The following RASA1 variants were observed in gnomAD, a reference collection of about 807,000 sequenced individuals.
The protein encoded by RASA1 is ras GTPase-activating protein 1.
RASA1 carries 25 observed loss-of-function variants against 132.2 expected under a neutral mutation model. The observed-to-expected ratio is 0.19, with a 90% confidence interval of 0.14 to 0.26. The LOEUF (loss-of-function observed/expected upper bound fraction) is 0.26, where lower values mean the gene tolerates loss of function less well. Ranked by LOEUF, RASA1 falls within the 10% of genes least tolerant of loss-of-function variation. The probability of loss-of-function intolerance (pLI) is 1.00; values close to 1 mark genes in which losing one functional copy is unlikely to be tolerated. For synonymous variants in RASA1, 477 were observed against 449.9 expected, an observed-to-expected ratio of 1.06 and a Z score of -0.76; for missense variants, 964 against 1,299.2, an observed-to-expected ratio of 0.74 and a Z score of 3.97.
At chr5:87,330,138 G>GCT (rs1757504441) in intron 1 of RASA1, among the ~76,000 whole-genome samples, 2 of 151,992 alleles carry the variant, frequency 1.3e-5, no homozygotes, top group Admixed American at 1.3e-4. Flanking sequence ...TATGCATAGG[G>GCT]CTCTAAATAA....
At chr5:87,355,222 A>G (rs1759561748) in intron 9 of RASA1, among the ~76,000 whole-genome samples, 1 of 152,206 alleles carries the variant, frequency 6.6e-6, no homozygotes. Context: ...AATATTATCT[A>G]GGACTTTCAT....
chr5:87,342,730 TGTAAG>T (rs763757290), intron 6 of RASA1, among the ~76,000 whole-genome samples: 2 of 152,150 alleles, frequency 1.3e-5, no homozygotes, highest in Non-Finnish European at 2.9e-5. Flanking sequence ...GTTTGCCTAT[TGTAAG>T]GTAATCACTT....
intron 20 of RASA1, among the ~76,000 whole-genome samples, chr5:87,382,693 A>T (rs1761802531): frequency 6.6e-6 from 1 of 152,172 alleles, no homozygotes; most frequent in African/African-American, 2.4e-5. Context: ...TAGCAGATAA[A>T]ATCATATATG....
At chr5:87,325,090 G>A (rs1165984315) in intron 1 of RASA1, among the ~76,000 whole-genome samples, 1 of 152,096 alleles carries the variant, frequency 6.6e-6, no homozygotes, top group African/African-American at 2.4e-5. Flanking sequence ...GGAGGCCTCA[G>A]GAAACTTACA....
rs1753671437 is a variant in RASA1 at position 87,268,558 on chromosome 5, T to TGAA, written c.110_112dup (p.Lys37dup). On this transcript the variant is annotated inframe_insertion, in exon 1 of 25. Coordinates refer to ENST00000274376, the MANE Select transcript of RASA1 (RefSeq NM_002890.3). The stretch of plus-strand genomic sequence containing the variant: ...AGTGCCTATCCCGCAGTGTGTCGGG[T>TGAA]GAAGATACCCGCGGCCCTGCCTGTG... 6.3e-7 allele frequency: 1 copy of TGAA among 1,598,722 alleles called. No individual in the cohort carries two copies. The highest frequency in any genetic ancestry group is 1.3e-5 in the African/African-American group (1 of 74,654).
intron 9 of RASA1, among the ~76,000 whole-genome samples, chr5:87,354,026 T>C (rs34502667): frequency 0.017 from 2,584 of 152,232 alleles, 46 homozygotes; most frequent in Middle Eastern, 0.068. Flanking sequence ...GGGTTTTGGG[T>C]ACCCAGCTGC....
chr5:87,308,515 T>C (rs932401877), intron 1 of RASA1, among the ~76,000 whole-genome samples: 1 of 152,140 alleles, frequency 6.6e-6, no homozygotes, highest in Non-Finnish European at 1.5e-5. Context: ...TAACTATTAT[T>C]AAAAAACAAA....
chr5:87,357,242 A>G (rs922208355), intron 9 of RASA1, among the ~76,000 whole-genome samples: 5 of 151,928 alleles, frequency 3.3e-5, no homozygotes, highest in Non-Finnish European at 7.4e-5. Flanking sequence ...ATATAAATAT[A>G]TATATGTTTT....
chr5:87,352,531 A>T (rs1207186636), intron 8 of RASA1, among the ~76,000 whole-genome samples: 4 of 151,862 alleles, frequency 2.6e-5, no homozygotes, highest in Non-Finnish European at 5.9e-5. Context: ...AATTTATATT[A>T]AAATACAGTA....
At position 87,268,368 on chromosome 5, in the gene RASA1, G is replaced by C. The variant is rs1305843883; in HGVS notation, c.-84G>C. 1 of 1,434,176 alleles carries C rather than the reference G, an allele frequency of 7.0e-7. No individual in the cohort carries two copies. The highest frequency in any genetic ancestry group is 2.8e-5 in the Admixed American group (1 of 35,598). 88.8% of individuals were successfully genotyped at this position (1,434,176 alleles called of 1,614,324 possible). ...GGGGAGCTGAAGGGGAGACGCGTCT[G>C]GGTGGGGCTGCTCGGAGCCCGGGCC... On this transcript the variant is annotated 5_prime_UTR_variant, in exon 1 of 25. Transcript: ENST00000274376.
intron 13 of RASA1, among the ~76,000 whole-genome samples, chr5:87,372,861 G>A (rs373145851): frequency 1.3e-5 from 2 of 152,074 alleles, no homozygotes; most frequent in African/African-American, 4.8e-5. Context: ...CTCTTTGTGC[G>A]AATATCTGAT....
At chr5:87,287,799 A>G (rs1163398553) in intron 1 of RASA1, among the ~76,000 whole-genome samples, 1 of 145,264 alleles carries the variant, frequency 6.9e-6, no homozygotes, top group African/African-American at 2.5e-5. Context: ...CCATATATAT[A>G]CACACCATAT....
chr5:87,344,733 G>A (rs1339506364), intron 6 of RASA1, among the ~76,000 whole-genome samples: 3 of 141,736 alleles, frequency 2.1e-5, no homozygotes, highest in African/African-American at 7.9e-5. Context: ...TGCCCAGACT[G>A]GTCTCAAACG....
At position 87,374,078 on chromosome 5, in the gene RASA1, T is replaced by C. The variant is rs923797321; in HGVS notation, c.1777-85T>C. 2.6e-6 allele frequency: 3 copies of C among 1,172,302 alleles called. No individual in the cohort carries two copies. In the African/African-American group the frequency reaches 4.9e-5, roughly 19 times the overall value. The allele number at this position is 1,172,302 out of a possible 1,614,324, so 72.6% of individuals were successfully genotyped here. A position where few individuals can be genotyped will look rare whatever the true frequency, so the allele number is the denominator to read the frequency against. On this transcript the variant is annotated intron_variant, in intron 13 of 24. Coordinates refer to ENST00000274376, the MANE Select transcript of RASA1 (RefSeq NM_002890.3). ...GAAAATAAGTCATTATTTTTGGCTT[T>C]GTATCTTAGAGTAATTGCTTTTGAA...
At chr5:87,348,495 A>G (rs1339222904) in intron 7 of RASA1, among the ~76,000 whole-genome samples, 1 of 152,050 alleles carries the variant, frequency 6.6e-6, no homozygotes, top group African/African-American at 2.4e-5. Flanking sequence ...ATTTGCTTCT[A>G]TAATTCCTTT....
At chr5:87,279,840 A>G (rs1754233342) in intron 1 of RASA1, among the ~76,000 whole-genome samples, 1 of 152,228 alleles carries the variant, frequency 6.6e-6, no homozygotes, top group African/African-American at 2.4e-5. Context: ...TGCCATTACA[A>G]AGTCAAAATC....
intron 23 of RASA1, among the ~76,000 whole-genome samples, chr5:87,387,148 A>AT (rs142617920): frequency 6.6e-6 from 1 of 152,188 alleles, no homozygotes; most frequent in Non-Finnish European, 1.5e-5. Flanking sequence ...TACTTCCATC[A>AT]TTTTTTAGGG....
intron 9 of RASA1, among the ~76,000 whole-genome samples, chr5:87,356,771 A>G (rs573472553): frequency 6.6e-6 from 1 of 152,216 alleles, no homozygotes; most frequent in African/African-American, 2.4e-5. Context: ...AGTTGTAAAC[A>G]TAACTTATAC....
At chr5:87,310,901 A>G (rs1755871674) in intron 1 of RASA1, among the ~76,000 whole-genome samples, 1 of 152,218 alleles carries the variant, frequency 6.6e-6, no homozygotes, top group Non-Finnish European at 1.5e-5. Context: ...TATACTAGTA[A>G]TTGTTGTATT....
Sources: gnomAD v4.1 joint callset for allele counts (sites outside exome capture counted in the v4.1 genomes callset) on GRCh38, gnomAD v4.1.1 for gene constraint, MANE v1.5 for transcripts, NCBI Gene and HGNC (gene_info 2026-07-23, HGNC 2026-07-21) for gene names.